CDK6: variants seen among roughly 807,000 people sequenced by gnomAD.
The protein encoded by CDK6 is cyclin-dependent kinase 6.
In CDK6, 6 loss-of-function variants were observed where a neutral mutation model predicts 37.1. The ratio of observed to expected loss-of-function variants is 0.16; its 90% CI spans 0.09 to 0.32. The LOEUF is 0.32. CDK6 is among the 10% of genes least tolerant of loss of function. The pLI, the probability that CDK6 is intolerant of heterozygous loss-of-function variation, is 1.00. For synonymous variants in CDK6, 160 were observed against 161.3 expected (o/e 0.99, Z 0.06); for missense variants, 224 against 418.9 (o/e 0.53, Z 4.06).
chr7:92,710,845 T>C (rs1798071695), intron 4 of CDK6: 6 of 985,294 alleles, frequency 6.1e-6, no homozygotes, highest in Non-Finnish European at 7.2e-6. Flanking sequence ...TGGACACCTC[T>C]GCACGGAGAT....
rs1797237978 is a variant in CDK6, at chr7:92,677,700, T to C, written c.538-6165A>G. Among the ~76,000 whole-genome samples, 3 of 152,376 alleles carry C rather than the reference T, an allele frequency of 2.0e-5. No individual in the cohort carries two copies. The East Asian group carries it at 5.8e-4, about 29-fold the overall frequency. ...TCCTGGTTTATGTAATATTATTCTA[T>C]ATATCAAGAGAGCATCCCCAGTTTT... On this transcript the variant is annotated intron_variant, in intron 4 of 7. Transcript: ENST00000424848.
intron 5 of CDK6, chr7:92,671,211 C>G (rs1797064819): frequency 2.7e-6 from 1 of 364,832 alleles, no homozygotes; most frequent in Non-Finnish European, 4.9e-6. Context: ...CCTTCCCAGG[C>G]AGAGTTTCCA....
intron 5 of CDK6, among the ~76,000 whole-genome samples, chr7:92,640,241 C>A (rs941387269): frequency 1.3e-5 from 2 of 152,094 alleles, no homozygotes; most frequent in African/African-American, 2.4e-5. Context: ...TGCTAAGTAG[C>A]CAGCATCAAA....
intron 3 of CDK6, among the ~76,000 whole-genome samples, chr7:92,746,207 T>C (rs1325051898): frequency 1.3e-5 from 2 of 152,216 alleles, no homozygotes; most frequent in East Asian, 3.8e-4. Context: ...TTATAATTAA[T>C]GCTACAGCAA....
rs1486799891 is a variant in CDK6 at position 92,610,401 on chromosome 7, A to G, written c.*4739T>C. The G allele has an allele frequency of 4.3e-6, 1 of 231,636 alleles. No homozygotes were observed. The highest frequency in any genetic ancestry group is 8.5e-6 in the Non-Finnish European group (1 of 117,124). The allele number at this position is 231,636 out of a possible 1,614,324, so 14.3% of individuals were successfully genotyped here. On this transcript the variant is annotated 3_prime_UTR_variant, in exon 8 of 8. Coordinates refer to ENST00000424848, the MANE Select transcript of CDK6 (RefSeq NM_001145306.2). ...ATTTTGAAAAGCTGATTGGCACTTC[A>G]TTAAGAAAATAAAAATCCCCAGAAA... is the stretch of plus-strand genomic sequence containing the variant.
intron 2 of CDK6, among the ~76,000 whole-genome samples, chr7:92,789,514 G>C (rs1179428896): frequency 6.6e-6 from 1 of 152,164 alleles, no homozygotes; most frequent in East Asian, 1.9e-4. Flanking sequence ...ACATGAAGGA[G>C]AAAGGACAGA....
chr7:92,718,858 T>C (rs959906066), intron 4 of CDK6, among the ~76,000 whole-genome samples: 3 of 152,280 alleles, frequency 2.0e-5, no homozygotes, highest in African/African-American at 7.2e-5. Context: ...GATTCAGATC[T>C]ATCTCTCCAT....
At chr7:92,750,200 GAAT>G (rs1799156526) in intron 3 of CDK6, among the ~76,000 whole-genome samples, 1 of 152,184 alleles carries the variant, frequency 6.6e-6, no homozygotes. Flanking sequence ...CACCGAACTA[GAAT>G]AATAGGAACT....
intron 5 of CDK6, among the ~76,000 whole-genome samples, chr7:92,627,921 A>G (rs528865035): frequency 2.6e-5 from 4 of 151,644 alleles, no homozygotes; most frequent in Admixed American, 6.6e-5. Flanking sequence ...ACATACACAC[A>G]AAAATAAATT....
chr7:92,671,503 G>A lies in CDK6; in HGVS notation c.570C>T (p.Val190=), dbSNP rs1187877839. 3.2e-6 allele frequency: 5 copies of A among 1,586,392 alleles called. No homozygotes were observed. The highest frequency in any genetic ancestry group is 4.3e-6 in the Non-Finnish European group (5 of 1,166,352). The part of the protein sequence containing the change: ...VVTLWYRAPE[V]LLQSSYATPV... ...GGGTGGCGTAGCTGGACTGGAGCAA[G>A]ACTTCGGGTGCTCTGTACCACAGCG... The change falls in exon 5 of 8, where the codon GTC becomes GTT. Residue 190 remains valine (V), a synonymous_variant. Transcript: ENST00000424848.
Position 92,614,696 on chromosome 7 carries a change from T to C in CDK6, c.*444A>G, listed in dbSNP as rs1052829656. On this transcript the variant is annotated 3_prime_UTR_variant, in exon 8 of 8. Coordinates refer to ENST00000424848, the MANE Select transcript of CDK6 (RefSeq NM_001145306.2). Reference sequence around the variant, plus strand: ...TTAAAAGATCACAGAATCTCTCACATACACACACACACACACACACACACA... The same window carrying C: ...TTAAAAGATCACAGAATCTCTCACACACACACACACACACACACACACACA... The C allele has an allele frequency of 8.7e-5, 20 of 228,710 alleles. No homozygotes were observed. Among genetic ancestry groups the C allele is most frequent in the Middle Eastern group, 1.3e-3 (1 of 772 alleles). 14.2% of individuals were successfully genotyped at this position (228,710 alleles called of 1,614,324 possible).
At chr7:92,674,000 G>A (rs993238564) in intron 4 of CDK6, among the ~76,000 whole-genome samples, 4 of 151,256 alleles carry the variant, frequency 2.6e-5, no homozygotes, top group Admixed American at 1.3e-4. Context: ...GGCTGGTCTC[G>A]AACTCCTGAG....
chr7:92,665,274 T>A (rs1293906830), intron 5 of CDK6, among the ~76,000 whole-genome samples: 1 of 143,428 alleles, frequency 7.0e-6, no homozygotes, highest in Admixed American at 8.2e-5. Context: ...CAATCATCCA[T>A]CCATCCATCC....
chr7:92,739,144 A>G (rs547345415), intron 3 of CDK6, among the ~76,000 whole-genome samples: 1 of 152,280 alleles, frequency 6.6e-6, no homozygotes, highest in East Asian at 1.9e-4. Flanking sequence ...TACCAAAAAC[A>G]TTCACCATTT....
intron 4 of CDK6, among the ~76,000 whole-genome samples, chr7:92,703,294 G>T (rs1054838329): frequency 6.6e-6 from 1 of 151,694 alleles, no homozygotes; most frequent in Non-Finnish European, 1.5e-5. Flanking sequence ...CTTGGTATGC[G>T]ATGGGAGCTG....
chr7:92,636,916 C>T (rs988901928), intron 5 of CDK6, among the ~76,000 whole-genome samples: 4 of 152,152 alleles, frequency 2.6e-5, no homozygotes, highest in African/African-American at 7.2e-5. Flanking sequence ...CTGCCCACCT[C>T]GGCCTCCCAA....
chr7:92,638,988 G>T (rs935893873), intron 5 of CDK6, among the ~76,000 whole-genome samples: 1 of 152,140 alleles, frequency 6.6e-6, no homozygotes, highest in African/African-American at 2.4e-5. Context: ...TTTTCTTGTT[G>T]GGGGGTGATG....
chr7:92,735,192 TAGTC>T (rs1408874587), intron 3 of CDK6, among the ~76,000 whole-genome samples: 2 of 152,248 alleles, frequency 1.3e-5, no homozygotes, highest in African/African-American at 4.8e-5. Flanking sequence ...ACTCAGCCAC[TAGTC>T]AGTTGATTAA....
intron 2 of CDK6, among the ~76,000 whole-genome samples, chr7:92,823,579 C>A (rs1055839827): frequency 1.3e-5 from 2 of 151,676 alleles, no homozygotes; most frequent in African/African-American, 4.8e-5. Context: ...AATCTCCAAA[C>A]CTGTCTCTTG....
Sources: allele counts gnomAD v4.1 joint callset (sites outside exome capture counted in the v4.1 genomes callset), GRCh38; gene constraint gnomAD v4.1.1; transcripts MANE v1.5; gene names NCBI Gene and HGNC (gene_info 2026-07-23, HGNC 2026-07-21).